CNTN1: variants seen among roughly 807,000 people sequenced by gnomAD.
The protein encoded by CNTN1 is contactin 1.
Under a neutral mutation model 126.4 loss-of-function variants are expected in CNTN1, and 38 were observed. The observed-to-expected ratio is 0.30, with a 90% CI of 0.23 to 0.39. The LOEUF is 0.39. CNTN1 is among the 10% of genes least tolerant of loss of function. The pLI is 1.00. For synonymous variants in CNTN1, 413 were observed against 422.6 expected, an observed-to-expected ratio of 0.98 and a Z score of 0.28; for missense variants, 1,009 against 1,248.4, an observed-to-expected ratio of 0.81 and a Z score of 2.89.
intron 1 of CNTN1, among the ~76,000 whole-genome samples, chr12:40,839,571 A>C (rs1316899807): frequency 1.3e-5 from 2 of 152,196 alleles, no homozygotes; most frequent in Non-Finnish European, 2.9e-5. Flanking sequence ...CATTAGATTA[A>C]AAGCAGATTT....
intron 1 of CNTN1, among the ~76,000 whole-genome samples, chr12:40,743,244 G>A (rs150172340): frequency 2.6e-5 from 4 of 152,166 alleles, no homozygotes; most frequent in African/African-American, 7.2e-5. Flanking sequence ...TGGGGCGGGA[G>A]TGACAAGTGA....
At chr12:40,738,587 T>C (rs933815403) in intron 1 of CNTN1, among the ~76,000 whole-genome samples, 1 of 151,902 alleles carries the variant, frequency 6.6e-6, no homozygotes, top group African/African-American at 2.4e-5. Flanking sequence ...AGACCTACAA[T>C]TGAAAAGGAA....
chr12:40,881,130 G>A (rs1943855233), intron 1 of CNTN1, among the ~76,000 whole-genome samples: 1 of 151,936 alleles, frequency 6.6e-6, no homozygotes, highest in Non-Finnish European at 1.5e-5. Flanking sequence ...TGAGAATGGA[G>A]GAAGTTTATT....
chr12:41,019,557 C>T lies in CNTN1; in HGVS notation c.2420-780C>T, dbSNP rs530853857. On this transcript the variant is annotated intron_variant, in intron 19 of 23. Transcript: ENST00000551295. Reference sequence around the variant, plus strand: ...AGGATTATGGCATTTTAATGAAAGACAATAAAAATTGATCACCCCTGCTTA... The same window carrying T: ...AGGATTATGGCATTTTAATGAAAGATAATAAAAATTGATCACCCCTGCTTA... 3.9e-5 allele frequency among the ~76,000 whole-genome samples: 6 copies of T among 152,212 alleles called. No individual in the cohort carries two copies. In the South Asian group the frequency reaches 1.0e-3, roughly 26 times the overall value.
At chr12:41,021,942 T>C (rs1948923255) in intron 20 of CNTN1, among the ~76,000 whole-genome samples, 1 of 152,108 alleles carries the variant, frequency 6.6e-6, no homozygotes. Flanking sequence ...AGGATTTTTT[T>C]CTTCTTTTAT....
At chr12:40,912,854 G>A (rs1945093323) in intron 3 of CNTN1, among the ~76,000 whole-genome samples, 1 of 152,070 alleles carries the variant, frequency 6.6e-6, no homozygotes, top group Non-Finnish European at 1.5e-5. Context: ...GTCCCACATA[G>A]CCCCATTAAT....
At chr12:40,891,438 G>C (rs933569705) in intron 1 of CNTN1, among the ~76,000 whole-genome samples, 8 of 152,028 alleles carry the variant, frequency 5.3e-5, no homozygotes, top group Admixed American at 2.6e-4. Context: ...TTTGGATTCT[G>C]CCCCTATTGC....
At chr12:40,827,536 CA>C (rs1329140409) in intron 1 of CNTN1, among the ~76,000 whole-genome samples, 9 of 152,102 alleles carry the variant, frequency 5.9e-5, no homozygotes, top group African/African-American at 2.2e-4. Flanking sequence ...AGCGAAAAGC[CA>C]ATTCCTTATA....
chr12:40,799,813 T>C (rs1314974357), intron 1 of CNTN1, among the ~76,000 whole-genome samples: 3 of 152,004 alleles, frequency 2.0e-5, no homozygotes, highest in Non-Finnish European at 2.9e-5. Context: ...TTTCATTTAA[T>C]CAGTCCTTAC....
intron 1 of CNTN1, among the ~76,000 whole-genome samples, chr12:40,826,238 T>C (rs1267050058): frequency 2.0e-5 from 3 of 152,172 alleles, no homozygotes; most frequent in Non-Finnish European, 4.4e-5. Context: ...TAAAATGATC[T>C]TTTTATATGA....
intron 1 of CNTN1, among the ~76,000 whole-genome samples, chr12:40,824,056 C>T (rs1288536773): frequency 1.3e-5 from 2 of 151,984 alleles, no homozygotes; most frequent in Non-Finnish European, 2.9e-5. Context: ...CTATCATTCC[C>T]CTACAAAATC....
At chr12:40,834,237 T>G (rs1050858095) in intron 1 of CNTN1, among the ~76,000 whole-genome samples, 8 of 152,208 alleles carry the variant, frequency 5.3e-5, no homozygotes, top group African/African-American at 1.9e-4. Context: ...AAGAGAACAG[T>G]AAACGATTTT....
chr12:40,745,062 A>G (rs1262138198), intron 1 of CNTN1, among the ~76,000 whole-genome samples: 2 of 152,148 alleles, frequency 1.3e-5, no homozygotes, highest in Non-Finnish European at 2.9e-5. Context: ...CACCGTATTT[A>G]GCAGCTATAA....
intron 1 of CNTN1, among the ~76,000 whole-genome samples, chr12:40,874,462 A>G (rs1943604479): frequency 6.6e-6 from 1 of 152,156 alleles, no homozygotes; most frequent in Non-Finnish European, 1.5e-5. Context: ...TTCTTTCATT[A>G]TAGATGTGTA....
chr12:40,995,027 A>AGTCCTATG (rs1592375412), intron 17 of CNTN1, among the ~76,000 whole-genome samples: 2 of 152,196 alleles, frequency 1.3e-5, no homozygotes, highest in East Asian at 1.9e-4. Flanking sequence ...TGAGCATAGG[A>AGTCCTATG]CTACCTATGT....
intron 14 of CNTN1, among the ~76,000 whole-genome samples, chr12:40,955,049 A>G (rs1946824100): frequency 6.6e-6 from 1 of 152,030 alleles, no homozygotes; most frequent in Non-Finnish European, 1.5e-5. Context: ...TATTTGTGGC[A>G]TGACCAGGCC....
At chr12:40,898,110 A>G (rs1349681619) in intron 1 of CNTN1, among the ~76,000 whole-genome samples, 1 of 152,170 alleles carries the variant, frequency 6.6e-6, no homozygotes, top group East Asian at 1.9e-4. Context: ...TTCTCAATAA[A>G]CATATTCAAC....
At chr12:40,871,186 G>GAAAAAA (rs201485882) in intron 1 of CNTN1, among the ~76,000 whole-genome samples, 7 of 113,504 alleles carry the variant, frequency 6.2e-5, no homozygotes, top group Admixed American at 1.0e-4. Context: ...CTGTTACAGA[G>GAAAAAA]AAAAAAAAAA....
rs66808071 is a variant in CNTN1 at position 41,053,428 on chromosome 12, A to AATATATATATATATATATAT, written c.2981-16510_2981-16491dup. ...TTTTGTCTCTTTCATGTTTTCACTAAATATATATATATATATATATATATA... is the reference window on the plus strand; with the variant it reads ...TTTTGTCTCTTTCATGTTTTCACTAAATATATATATATATATATATATATATATATATATATATATATATA... On this transcript the variant is annotated intron_variant, in intron 23 of 23. Coordinates refer to ENST00000551295, the MANE Select transcript of CNTN1 (RefSeq NM_001843.4). Among the ~76,000 whole-genome samples, 155 of 64,090 alleles carry AATATATATATATATATATAT rather than the reference A, an allele frequency of 2.4e-3. 7 individuals carry two copies. Among genetic ancestry groups the AATATATATATATATATATAT allele is most frequent in the Admixed American group, 2.8e-3 (15 of 5,316 alleles). 42.0% of individuals were successfully genotyped at this position (64,090 alleles called of 152,430 possible).
Sources: gnomAD v4.1 joint callset for allele counts (sites outside exome capture counted in the v4.1 genomes callset) on GRCh38, gnomAD v4.1.1 for gene constraint, MANE v1.5 for transcripts, NCBI Gene and HGNC (gene_info 2026-07-23, HGNC 2026-07-21) for gene names.